GRID2: variants seen among roughly 807,000 people sequenced by gnomAD.
The protein encoded by GRID2 is glutamate receptor ionotropic, delta-2.
GRID2 carries 33 observed loss-of-function variants against 114.8 expected under a neutral mutation model. The observed-to-expected ratio is 0.29, with a 90% CI of 0.22 to 0.38. GRID2 has a LOEUF of 0.38. GRID2 is among the 10% of genes least tolerant of loss of function. The pLI, the probability that GRID2 is intolerant of heterozygous loss-of-function variation, is 1.00. For missense variants in GRID2, 1,184 were observed against 1,257.7 expected (o/e 0.94, Z 0.89); for synonymous variants, 505 against 449.9 (o/e 1.12, Z -1.55).
chr4:92,772,033 C>A (rs1193755778), intron 2 of GRID2, among the ~76,000 whole-genome samples: 1 of 152,196 alleles, frequency 6.6e-6, no homozygotes, highest in Non-Finnish European at 1.5e-5. Flanking sequence ...ACACTGGAAA[C>A]CTAGCTAATG....
chr4:93,796,636 C>G (rs1046895287), intron 1 of GRID2, among the ~76,000 whole-genome samples: 2 of 152,180 alleles, frequency 1.3e-5, no homozygotes, highest in Non-Finnish European at 1.5e-5. Flanking sequence ...CTCCACCTCC[C>G]GAGTTCAGGT....
At chr4:92,807,710 C>T (rs1240710068) in intron 2 of GRID2, among the ~76,000 whole-genome samples, 1 of 151,846 alleles carries the variant, frequency 6.6e-6, no homozygotes, top group Non-Finnish European at 1.5e-5. Context: ...AATAATAAGA[C>T]GGAAGAGAAT....
At chr4:92,622,696 A>G (rs1230448958) in intron 2 of GRID2, among the ~76,000 whole-genome samples, 5 of 151,736 alleles carry the variant, frequency 3.3e-5, no homozygotes, top group African/African-American at 1.2e-4. Context: ...AGTCATCGTC[A>G]TCATCTTAAT....
chr4:93,799,554 A>C (rs10034493), intron 1 of GRID2, among the ~76,000 whole-genome samples: 65,330 of 151,896 alleles, frequency 0.43, 15,758 homozygotes, highest in Non-Finnish European at 0.54. Flanking sequence ...ACTGATTTTT[A>C]AAATAAATAG....
At chr4:92,863,143 T>C (rs1015098276) in intron 2 of GRID2, among the ~76,000 whole-genome samples, 1 of 152,154 alleles carries the variant, frequency 6.6e-6, no homozygotes, top group Non-Finnish European at 1.5e-5. Flanking sequence ...GAAAAAAGAC[T>C]GAATTTTCAT....
chr4:93,081,608 G>A (rs13152071), intron 2 of GRID2, among the ~76,000 whole-genome samples: 1 of 152,066 alleles, frequency 6.6e-6, no homozygotes, highest in Non-Finnish European at 1.5e-5. Context: ...CATAAAACCA[G>A]CAAGCTTTTC....
intron 2 of GRID2, among the ~76,000 whole-genome samples, chr4:92,703,924 C>T (rs1734806223): frequency 6.6e-6 from 1 of 152,000 alleles, no homozygotes; most frequent in African/African-American, 2.4e-5. Flanking sequence ...CCATTCAATG[C>T]CTGAAAATTG....
chr4:93,011,499 C>A (rs1722135432), intron 2 of GRID2, among the ~76,000 whole-genome samples: 1 of 152,026 alleles, frequency 6.6e-6, no homozygotes, highest in Non-Finnish European at 1.5e-5. Context: ...TGGAAACCAG[C>A]CCCCATGCTT....
At chr4:92,816,318 C>CAAAAAAAAAAAAAAAAAAAAAAA (rs764487348) in intron 2 of GRID2, among the ~76,000 whole-genome samples, 11 of 48,252 alleles carry the variant, frequency 2.3e-4, no homozygotes, top group South Asian at 8.9e-4. Flanking sequence ...TCTGTCTCAC[C>CAAAAAAAAAAAAAAAAAAAAAAA]AAAAAAAAAA....
At chr4:93,796,420 T>G (rs1734803589) in intron 1 of GRID2, among the ~76,000 whole-genome samples, 1 of 152,088 alleles carries the variant, frequency 6.6e-6, no homozygotes. Flanking sequence ...GAAATGAAGT[T>G]GGAGACAAGC....
intron 1 of GRID2, among the ~76,000 whole-genome samples, chr4:92,583,512 C>G (rs1043878675): frequency 6.6e-6 from 1 of 151,724 alleles, no homozygotes; most frequent in African/African-American, 2.4e-5. Context: ...TTCTGAAAAC[C>G]CTATTTCATG....
At position 92,985,997 on chromosome 4, in the gene GRID2, C is replaced by T. The variant is rs774062311; in HGVS notation, c.245-98998C>T. On this transcript the variant is annotated intron_variant, in intron 2 of 15. Coordinates refer to ENST00000282020, the MANE Select transcript of GRID2 (RefSeq NM_001510.4). ...CATTCTCATGCATATAACTTATGAG[C>T]AGTTTTCAAAAAATGAAAGAAAATT... Among the ~76,000 whole-genome samples, 60 of 152,290 alleles carry T rather than the reference C, an allele frequency of 3.9e-4. 1 individual carries two copies. The Middle Eastern group carries it at 0.01, about 26-fold the overall frequency.
chr4:92,390,968 A>T (rs536516965), intron 1 of GRID2, among the ~76,000 whole-genome samples: 1 of 152,324 alleles, frequency 6.6e-6, no homozygotes, highest in South Asian at 2.1e-4. Context: ...GAATAAATGA[A>T]ATCAAACCAG....
intron 1 of GRID2, among the ~76,000 whole-genome samples, chr4:93,781,343 A>AGGGGCTGCGGTGAGGCCTG (rs1310725981): frequency 6.6e-6 from 1 of 151,276 alleles, no homozygotes. Flanking sequence ...GGTGAGGCCC[A>AGGGGCTGCGGTGAGGCCTG]CTGGGCTGCG....
intron 2 of GRID2, among the ~76,000 whole-genome samples, chr4:92,829,367 C>A (rs1046816496): frequency 2.0e-5 from 3 of 152,058 alleles, no homozygotes; most frequent in Non-Finnish European, 4.4e-5. Context: ...TGGAGAAATG[C>A]AAATCAAAAC....
At chr4:93,209,480 C>A (rs1579298146) in intron 5 of GRID2, among the ~76,000 whole-genome samples, 1 of 152,206 alleles carries the variant, frequency 6.6e-6, no homozygotes, top group East Asian at 1.9e-4. Context: ...GCCACATTTT[C>A]TTTATCCAGT....
At chr4:92,499,162 TTGA>T (rs1723548837) in intron 1 of GRID2, among the ~76,000 whole-genome samples, 2 of 152,046 alleles carry the variant, frequency 1.3e-5, no homozygotes, top group Admixed American at 1.3e-4. Context: ...TTATTTTTAT[TTGA>T]TGAAGTTATT....
chr4:93,280,571 A>G (rs1752545071), intron 8 of GRID2, among the ~76,000 whole-genome samples: 1 of 151,880 alleles, frequency 6.6e-6, no homozygotes, highest in Non-Finnish European at 1.5e-5. Flanking sequence ...GTTTTCATAA[A>G]TCTTGGTTTA....
intron 10 of GRID2, among the ~76,000 whole-genome samples, chr4:93,442,886 C>T (rs7694568): frequency 0.46 from 70,585 of 151,810 alleles, 17,632 homozygotes; most frequent in East Asian, 0.7. Flanking sequence ...CCCCTTTCCC[C>T]CATCCTTGTC....
Sources: gnomAD v4.1 joint callset for allele counts (sites outside exome capture counted in the v4.1 genomes callset) on GRCh38, gnomAD v4.1.1 for gene constraint, MANE v1.5 for transcripts, NCBI Gene and HGNC (gene_info 2026-07-23, HGNC 2026-07-21) for gene names.